QKI: variants seen among roughly 807,000 people sequenced by gnomAD.
QKI encodes KH domain-containing RNA-binding protein QKI.
Under a neutral mutation model 39.0 loss-of-function variants are expected in QKI, and 10 were observed. The ratio of observed to expected loss-of-function variants is 0.26; its 90% CI spans 0.16 to 0.43. The LOEUF (loss-of-function observed/expected upper bound fraction) is 0.43, where lower values mean the gene tolerates loss of function less well. QKI is among the 20% of genes least tolerant of loss of function. The pLI is 1.00. For missense variants in QKI, 218 were observed against 428.0 expected (o/e 0.51, Z 4.33); for synonymous variants, 204 against 155.4 (o/e 1.31, Z -2.33).
Position 163,415,063 on chromosome 6 carries a change from A to G in QKI, c.-131A>G, listed in dbSNP as rs1482761432. The G allele has an allele frequency of 9.2e-6, 6 of 649,490 alleles. No homozygotes were observed. Among genetic ancestry groups the G allele is most frequent in the Non-Finnish European group, 1.1e-5 (6 of 538,910 alleles). 40.2% of individuals were successfully genotyped at this position (649,490 alleles called of 1,614,324 possible). On this transcript the variant is annotated 5_prime_UTR_variant, in exon 1 of 8. Transcript: ENST00000361752. ...CGCCCCGGGGCTCGGCGCGGGAGCCAGAGCGGGAGCCGGCGCGGAGCGGGA... is the reference window on the plus strand; with the variant it reads ...CGCCCCGGGGCTCGGCGCGGGAGCCGGAGCGGGAGCCGGCGCGGAGCGGGA...
chr6:163,443,651 T>C (rs1441456196), intron 1 of QKI, among the ~76,000 whole-genome samples: 5 of 152,260 alleles, frequency 3.3e-5, no homozygotes, highest in African/African-American at 1.2e-4. Context: ...TCTTTTGACA[T>C]GTATTTTCTT....
At chr6:163,534,027 T>C (rs1288511646) in intron 3 of QKI, among the ~76,000 whole-genome samples, 1 of 152,210 alleles carries the variant, frequency 6.6e-6, no homozygotes, top group Admixed American at 6.5e-5. Context: ...CAGATATTTA[T>C]TGTTTGTCTG....
intron 1 of QKI, among the ~76,000 whole-genome samples, chr6:163,448,597 A>G (rs936362097): frequency 5.9e-5 from 9 of 151,908 alleles, no homozygotes; most frequent in South Asian, 2.1e-4. Context: ...TTAGCTGACC[A>G]TGGTGGCGGG....
At chr6:163,507,409 G>A (rs1187124218) in intron 3 of QKI, among the ~76,000 whole-genome samples, 1 of 152,188 alleles carries the variant, frequency 6.6e-6, no homozygotes, top group Non-Finnish European at 1.5e-5. Flanking sequence ...TAGGATGAGT[G>A]TAAGCAGAGT....
intron 6 of QKI, chr6:163,564,357 G>T (rs923989900): frequency 3.5e-6 from 4 of 1,146,174 alleles, no homozygotes; most frequent in Admixed American, 3.6e-5. Flanking sequence ...GTGTGGTATA[G>T]CCATTATAAT....
intron 1 of QKI, among the ~76,000 whole-genome samples, chr6:163,431,521 C>T (rs1788828566): frequency 6.6e-6 from 1 of 151,932 alleles, no homozygotes; most frequent in Non-Finnish European, 1.5e-5. Context: ...TTGGGAATGA[C>T]TGAATTGTGA....
At chr6:163,564,437 T>G (rs1407316012) in intron 6 of QKI, 1 of 1,400,452 alleles carries the variant, frequency 7.1e-7, no homozygotes, top group Non-Finnish European at 9.3e-7. Flanking sequence ...TGACTGTAGT[T>G]GTATTCTTAA....
chr6:163,564,764 G>A, intron 6 of QKI: 1 of 1,612,930 alleles, frequency 6.2e-7, no homozygotes, highest in Non-Finnish European at 8.5e-7. Flanking sequence ...ACCAGTCAAT[G>A]TGGAACAAAC....
intron 4 of QKI, among the ~76,000 whole-genome samples, chr6:163,561,563 A>G (rs970643104): frequency 6.6e-6 from 1 of 152,200 alleles, no homozygotes; most frequent in Non-Finnish European, 1.5e-5. Flanking sequence ...AGCTAGGATC[A>G]TGCCACAGCA....
intron 4 of QKI, among the ~76,000 whole-genome samples, chr6:163,558,154 A>G (rs1410029726): frequency 6.6e-6 from 1 of 152,192 alleles, no homozygotes; most frequent in Non-Finnish European, 1.5e-5. Flanking sequence ...TGAGAAAAAA[A>G]GAGGTCAGAA....
At position 163,564,457 on chromosome 6, in the gene QKI, G is replaced by C. The variant is rs548743996; in HGVS notation, c.934+738G>C. The C allele has an allele frequency of 7.1e-6, 10 of 1,409,580 alleles. No homozygotes were observed. In the East Asian group the frequency reaches 2.6e-4, roughly 36 times the overall value. The allele number at this position is 1,409,580 out of a possible 1,614,324, so 87.3% of individuals were successfully genotyped here. On this transcript the variant is annotated intron_variant, in intron 6 of 7. Transcript: ENST00000361752. ...GTAGTTGTATTCTTAAGATTTTTCAGTTCTTGTGTTTTGGAGTCCTAGTCA... is the reference window on the plus strand; with the variant it reads ...GTAGTTGTATTCTTAAGATTTTTCACTTCTTGTGTTTTGGAGTCCTAGTCA...
At chr6:163,556,164 G>A (rs1782590814) in intron 4 of QKI, among the ~76,000 whole-genome samples, 1 of 152,158 alleles carries the variant, frequency 6.6e-6, no homozygotes, top group African/African-American at 2.4e-5. Flanking sequence ...GTTGAACAAT[G>A]TATAAATTAC....
intron 4 of QKI, among the ~76,000 whole-genome samples, chr6:163,544,113 C>A (rs925869592): frequency 6.6e-6 from 1 of 152,046 alleles, no homozygotes; most frequent in African/African-American, 2.4e-5. Flanking sequence ...CCTGCATATA[C>A]ATGGGTTCCG....
chr6:163,490,964 T>C (rs1248015399), intron 3 of QKI, among the ~76,000 whole-genome samples: 1 of 152,236 alleles, frequency 6.6e-6, no homozygotes, highest in Non-Finnish European at 1.5e-5. Flanking sequence ...TTGACATATT[T>C]AATGACAGTG....
Position 163,571,997 on chromosome 6 carries a change from T to G in QKI, c.*1287T>G, listed in dbSNP as rs1174700828. 2.6e-5 allele frequency: 4 copies of G among 152,190 alleles called. No homozygotes were observed. Among genetic ancestry groups the G allele is most frequent in the Admixed American group, 2.6e-4 (4 of 15,264 alleles). 9.4% of individuals were successfully genotyped at this position (152,190 alleles called of 1,614,324 possible). Reference sequence around the variant, plus strand: ...GATATGAGGGAGACAAATGAGTTGATAGTTTGAATTATAGGATTTTTGCCA... The same window carrying G: ...GATATGAGGGAGACAAATGAGTTGAGAGTTTGAATTATAGGATTTTTGCCA... On this transcript the variant is annotated 3_prime_UTR_variant, in exon 8 of 8. Transcript: ENST00000361752.
intron 3 of QKI, among the ~76,000 whole-genome samples, chr6:163,522,492 GT>G (rs1320840468): frequency 1.3e-5 from 2 of 152,166 alleles, no homozygotes; most frequent in Non-Finnish European, 2.9e-5. Context: ...GGGTTATGGA[GT>G]GTGGGGAGAG....
chr6:163,447,249 ATTTTTTT>A (rs4038332), intron 1 of QKI, among the ~76,000 whole-genome samples: 18 of 120,190 alleles, frequency 1.5e-4, no homozygotes, highest in East Asian at 7.8e-4. Flanking sequence ...GGTGCACGTG[ATTTTTTT>A]TTTTTTTTTT....
At chr6:163,463,844 G>A (rs1438334701) in intron 2 of QKI, among the ~76,000 whole-genome samples, 2 of 152,140 alleles carry the variant, frequency 1.3e-5, no homozygotes, top group Non-Finnish European at 2.9e-5. Context: ...TACTTTCCAA[G>A]CCTTTATTTT....
At chr6:163,534,031 TTGTC>T (rs1781041656) in intron 3 of QKI, among the ~76,000 whole-genome samples, 1 of 152,196 alleles carries the variant, frequency 6.6e-6, no homozygotes, top group Non-Finnish European at 1.5e-5. Context: ...TATTTATTGT[TTGTC>T]TGTGGTACCT....
Sources: allele counts gnomAD v4.1 joint callset (sites outside exome capture counted in the v4.1 genomes callset), GRCh38; gene constraint gnomAD v4.1.1; transcripts MANE v1.5; gene names NCBI Gene and HGNC (gene_info 2026-07-23, HGNC 2026-07-21).